PADI6: variants seen among roughly 807,000 people sequenced by gnomAD.
PADI6 encodes the protein peptidyl arginine deiminase 6, also known as inactive protein-arginine deiminase type-6.
PADI6 carries 66 observed loss-of-function variants against 78.2 expected under a neutral mutation model. The ratio of observed to expected loss-of-function variants is 0.84; its 90% CI spans 0.69 to 1.04. PADI6 has a LOEUF of 1.04. Ranked by LOEUF, PADI6 falls within the 50% of genes least tolerant of loss-of-function variation. The pLI is 0.00. For missense variants in PADI6, 854 were observed against 866.1 expected (o/e 0.99, Z 0.18); for synonymous variants, 397 against 346.9 (o/e 1.14, Z -1.60).
intron 6 of PADI6, among the ~76,000 whole-genome samples, chr1:17,385,661 CAG>C (rs1280306941): frequency 6.6e-6 from 1 of 152,098 alleles, no homozygotes; most frequent in Non-Finnish European, 1.5e-5. Context: ...AGTCTATTGT[CAG>C]ATACCAGTGA....
chr1:17,398,219 G>A (rs2075265337), intron 14 of PADI6, among the ~76,000 whole-genome samples: 1 of 152,176 alleles, frequency 6.6e-6, no homozygotes, highest in Admixed American at 6.5e-5. Context: ...TGCAAGAACA[G>A]CCCCCCTGGC....
intron 2 of PADI6, among the ~76,000 whole-genome samples, chr1:17,374,978 G>T (rs1233286787): frequency 6.6e-6 from 1 of 152,034 alleles, no homozygotes; most frequent in Non-Finnish European, 1.5e-5. Flanking sequence ...CCTTCTTAGT[G>T]AGCAGCTTAA....
At chr1:17,388,044 G>A (rs907818517) in intron 6 of PADI6, among the ~76,000 whole-genome samples, 5 of 152,198 alleles carry the variant, frequency 3.3e-5, no homozygotes, top group Admixed American at 6.5e-5. Context: ...ATTATCGCAG[G>A]AGTTGGATTC....
At chr1:17,400,605 G>A (rs2075292744) in intron 15 of PADI6, among the ~76,000 whole-genome samples, 1 of 152,182 alleles carries the variant, frequency 6.6e-6, no homozygotes, top group South Asian at 2.1e-4. Flanking sequence ...AAGAGGTCCT[G>A]GCTTCACCAA....
rs372883831 is a variant in PADI6 at position 17,388,436 on chromosome 1, C to T, written c.735C>T (p.Thr245=). 3.1e-6 allele frequency: 5 copies of T among 1,613,812 alleles called. No homozygotes were observed. The highest frequency in any genetic ancestry group is 2.2e-5 in the East Asian group (1 of 44,876). ...TGGGGCCCGACCAGCACGCCTATACCTTGGCCCTCCTCGGGAACCACTTGA... is the reference window on the plus strand; with the variant it reads ...TGGGGCCCGACCAGCACGCCTATACTTTGGCCCTCCTCGGGAACCACTTGA... The part of the protein sequence containing the change: ...LVLGPDQHAY[T]LALLGNHLKE... The change falls in exon 7 of 16, where the codon ACC becomes ACT. Residue 245 remains threonine (T), a synonymous_variant. Coordinates refer to ENST00000619609, the MANE Select transcript of PADI6 (RefSeq NM_207421.4).
Position 17,379,111 on chromosome 1 carries a change from A to ATTTTTTCTTTT in PADI6, c.368-803_368-802insCTTTTTTTTTT, listed in dbSNP as rs1402667334. ...AGGTACCCTCCACCATGCCCAGTTA[A>ATTTTTTCTTTT]TTTTTTTTTTTTTTTTTTTTTAAGA... is the stretch of plus-strand genomic sequence containing the variant. On this transcript the variant is annotated intron_variant, in intron 3 of 15. Transcript: ENST00000619609. Among the ~76,000 whole-genome samples, 75 of 100,810 alleles carry ATTTTTTCTTTT rather than the reference A, an allele frequency of 7.4e-4. 6 individuals carry two copies. The highest frequency in any genetic ancestry group is 3.9e-3 in the African/African-American group (67 of 17,328). The allele number at this position is 100,810 out of a possible 152,430, so 66.1% of individuals were successfully genotyped here. A position where few individuals can be genotyped will look rare whatever the true frequency, so the allele number is the denominator to read the frequency against.
At chr1:17,392,470 C>T (rs1042359960) in intron 9 of PADI6, among the ~76,000 whole-genome samples, 2 of 152,198 alleles carry the variant, frequency 1.3e-5, no homozygotes, top group Non-Finnish European at 2.9e-5. Flanking sequence ...GACCACAGAA[C>T]CCTAACCCCC....
At chr1:17,376,678 G>C (rs567310091) in intron 3 of PADI6, among the ~76,000 whole-genome samples, 2 of 152,018 alleles carry the variant, frequency 1.3e-5, no homozygotes, top group South Asian at 4.1e-4. Flanking sequence ...GATTACAGGC[G>C]TGAGCCACTG....
intron 6 of PADI6, among the ~76,000 whole-genome samples, chr1:17,386,954 C>G (rs2075126122): frequency 6.6e-6 from 1 of 152,190 alleles, no homozygotes; most frequent in Admixed American, 6.5e-5. Flanking sequence ...TGCTACAGTT[C>G]CTGGATCTCT....
rs761739312 is a variant in PADI6 at position 17,381,974 on chromosome 1, G to A, written c.561G>A (p.Thr187=). The change falls in exon 6 of 16, where the codon ACG becomes ACA. Residue 187 remains threonine (T), a synonymous_variant. Transcript: ENST00000619609. ...TKKVIFSEEI[T]NLSQMTLNVQ... is the part of the protein sequence containing the mutation. ...GCTTTGTCTTTTGCCCAGAAATAAC[G>A]AATCTGTCCCAGATGACTCTGAATG... The A allele has an allele frequency of 3.0e-5, 49 of 1,613,646 alleles. No individual in the cohort carries two copies. Among genetic ancestry groups the A allele is most frequent in the African/African-American group, 1.1e-4 (8 of 74,894 alleles).
chr1:17,390,143 T>C (rs1353735126), intron 8 of PADI6, among the ~76,000 whole-genome samples: 1 of 150,424 alleles, frequency 6.6e-6, no homozygotes, highest in Non-Finnish European at 1.5e-5. Context: ...CCACTAAAAA[T>C]ACAAAAATTA....
intron 15 of PADI6, among the ~76,000 whole-genome samples, chr1:17,400,958 G>A (rs945534291): frequency 6.6e-6 from 1 of 152,192 alleles, no homozygotes; most frequent in African/African-American, 2.4e-5. Context: ...GGTGACAAGA[G>A]GCCAGAATAA....
At chr1:17,398,884 C>A in intron 15 of PADI6, 37 bp downstream of exon 15, 2 of 1,601,774 alleles carry the variant, frequency 1.2e-6, no homozygotes, top group Non-Finnish European at 1.7e-6. Flanking sequence ...TGGGGGAGGG[C>A]CTGTCCAGGC....
At chr1:17,396,628 C>T (rs182751464) in intron 13 of PADI6, among the ~76,000 whole-genome samples, 13 of 152,072 alleles carry the variant, frequency 8.5e-5, no homozygotes, top group South Asian at 6.2e-4. Context: ...ATGACAAAGA[C>T]TATCACCTCA....
chr1:17,389,165 G>A (rs547620922), intron 8 of PADI6, among the ~76,000 whole-genome samples: 1 of 152,342 alleles, frequency 6.6e-6, no homozygotes, highest in Admixed American at 6.5e-5. Flanking sequence ...TGAAGATGGA[G>A]AGGTCAGGAT....
At chr1:17,375,279 G>T in intron 2 of PADI6, 148 bp from the exon 3 acceptor site, 1 of 701,338 alleles carries the variant, frequency 1.4e-6, no homozygotes, top group African/African-American at 1.8e-5. Flanking sequence ...GCGCAGGGCT[G>T]TGGCCCCATA....
chr1:17,375,461 C>T lies in PADI6; in HGVS notation c.329C>T (p.Ala110Val), dbSNP rs771505959. ...SVTYYGPNED[A>V]PVGTAVLYLT... ...ACATACTATGGGCCCAACGAGGATG[C>T]CCCCGTGGGCACAGCTGTGCTGTAC... is the stretch of plus-strand genomic sequence containing the variant. The change falls in exon 3 of 16, where the codon GCC becomes GTC. Residue 110 changes from alanine to valine, a missense_variant. By Grantham distance (64) the Ala-to-Val change is moderately conservative (BLOSUM62 0). Transcript: ENST00000619609. The T allele has an allele frequency of 9.3e-6, 15 of 1,610,736 alleles. No individual in the cohort carries two copies. The South Asian group carries it at 1.4e-4, about 15-fold the overall frequency.
At chr1:17,388,629 T>A in intron 7 of PADI6, 70 bp downstream of exon 7, 1 of 1,487,340 alleles carries the variant, frequency 6.7e-7, no homozygotes, top group Non-Finnish European at 9.1e-7. Context: ...CTCCCACAGT[T>A]GGGCAGAGCT....
At chr1:17,383,407 A>G (rs974228222) in intron 6 of PADI6, among the ~76,000 whole-genome samples, 1 of 152,258 alleles carries the variant, frequency 6.6e-6, no homozygotes, top group Non-Finnish European at 1.5e-5. Flanking sequence ...TCAGGCCACA[A>G]GGGCTACTCT....
Sources: allele counts gnomAD v4.1 joint callset (sites outside exome capture counted in the v4.1 genomes callset), GRCh38; gene constraint gnomAD v4.1.1; transcripts MANE v1.5; gene names NCBI Gene and HGNC (gene_info 2026-07-23, HGNC 2026-07-21).